CDH4: variants seen among roughly 807,000 people sequenced by gnomAD.
CDH4 encodes cadherin 4.
A neutral mutation model predicts 86.0 loss-of-function variants in CDH4; 33 were observed. That is an observed-to-expected ratio of 0.38 (90% CI 0.29 to 0.51). CDH4 has a LOEUF of 0.51. Among genes scored for constraint, CDH4 ranks in the 20% least tolerant of loss-of-function variants. CDH4 has a pLI of 0.86. For missense variants in CDH4, 1,114 were observed against 1,307.4 expected (o/e 0.85, Z 2.28); for synonymous variants, 555 against 549.4 (o/e 1.01, Z -0.14).
chr20:61,323,265 C>T (rs943264314), intron 2 of CDH4, among the ~76,000 whole-genome samples: 13 of 152,152 alleles, frequency 8.5e-5, no homozygotes, highest in African/African-American at 1.7e-4. Flanking sequence ...CCCAGTGTCC[C>T]GAGTGGGTGG....
intron 2 of CDH4, among the ~76,000 whole-genome samples, chr20:61,662,830 T>C (rs1382847230): frequency 2.6e-5 from 4 of 152,132 alleles, no homozygotes; most frequent in Admixed American, 2.6e-4. Flanking sequence ...GCTCACACAG[T>C]GCCCTGCCCT....
Position 61,544,528 on chromosome 20 carries a change from A to C in CDH4, c.170-199035A>C, listed in dbSNP as rs1391480312. On this transcript the variant is annotated intron_variant, in intron 2 of 15. Coordinates refer to ENST00000614565, the MANE Select transcript of CDH4 (RefSeq NM_001794.5). This position sits in a 1 kb window ranked among gnomAD's most constrained non-coding sequence, Gnocchi z 6.5. ...ATGCATCCAGGAATTAAAGCAGTCC[A>C]TGCAATGGCAGCCGCCAAGCAGAGA... Among the ~76,000 whole-genome samples the C allele has an allele frequency of 6.6e-6, 1 of 151,656 alleles. No homozygotes were observed. Among genetic ancestry groups the C allele is most frequent in the East Asian group, 2.0e-4 (1 of 5,094 alleles).
At chr20:61,587,605 C>T (rs893620940) in intron 2 of CDH4, among the ~76,000 whole-genome samples, 7 of 152,060 alleles carry the variant, frequency 4.6e-5, no homozygotes. Context: ...GACTCCGCTC[C>T]TTCCCCAGCT....
chr20:61,673,677 T>C (rs944256), intron 2 of CDH4, among the ~76,000 whole-genome samples: 147,784 of 152,332 alleles, frequency 0.97, 71,729 homozygotes, highest in East Asian at 1. Flanking sequence ...GTCTGGCGGT[T>C]GAGTGCAGAG....
At chr20:61,827,651 C>T (rs974616356) in intron 4 of CDH4, among the ~76,000 whole-genome samples, 23 of 152,228 alleles carry the variant, frequency 1.5e-4, no homozygotes, top group Non-Finnish European at 3.1e-4. Context: ...AACACCCAAG[C>T]CCCTAGGCTA....
chr20:61,282,906 GGC>G (rs1491311917), intron 2 of CDH4, among the ~76,000 whole-genome samples: 8 of 104,608 alleles, frequency 7.6e-5, no homozygotes, highest in Middle Eastern at 4.7e-3. Context: ...CGTGTGCTGT[GGC>G]GTGTGTGATG....
At chr20:61,845,725 A>G (rs1277285258) in intron 5 of CDH4, among the ~76,000 whole-genome samples, 1 of 152,184 alleles carries the variant, frequency 6.6e-6, no homozygotes, top group Non-Finnish European at 1.5e-5. Context: ...GGCGTTCAGC[A>G]CAAGCCCGTG....
At chr20:61,431,500 C>G (rs924013073) in intron 2 of CDH4, among the ~76,000 whole-genome samples, 5 of 151,712 alleles carry the variant, frequency 3.3e-5, no homozygotes, top group African/African-American at 1.2e-4. Context: ...GCTGGTACTA[C>G]GAGTGCATGC....
chr20:61,519,475 T>A (rs1171570476), intron 2 of CDH4, among the ~76,000 whole-genome samples: 1 of 152,190 alleles, frequency 6.6e-6, no homozygotes, highest in Non-Finnish European at 1.5e-5. Flanking sequence ...AGGAGCTACA[T>A]TTGTTGTCCT....
At chr20:61,852,534 C>T (rs1982772959) in intron 5 of CDH4, among the ~76,000 whole-genome samples, 1 of 152,194 alleles carries the variant, frequency 6.6e-6, no homozygotes, top group Non-Finnish European at 1.5e-5. Flanking sequence ...TGGCTTCCAG[C>T]TCTGTGCGTC....
chr20:61,521,765 CTGGT>C (rs201175229), intron 2 of CDH4, among the ~76,000 whole-genome samples: 6,323 of 152,242 alleles, frequency 0.042, 417 homozygotes, highest in African/African-American at 0.14. Context: ...CTCAGGATCT[CTGGT>C]TCGTGAGCCC....
intron 2 of CDH4, among the ~76,000 whole-genome samples, chr20:61,556,600 G>T (rs2086179321): frequency 6.6e-6 from 1 of 152,176 alleles, no homozygotes. Context: ...AAGACTCTGT[G>T]GTCCAAAATT....
chr20:61,870,375 G>T (rs191917303), intron 6 of CDH4, among the ~76,000 whole-genome samples: 2 of 152,218 alleles, frequency 1.3e-5, no homozygotes, highest in East Asian at 3.9e-4. Context: ...GGCCAAGGCC[G>T]TCAGAAGGGC....
intron 2 of CDH4, among the ~76,000 whole-genome samples, chr20:61,279,777 G>T (rs763393959): frequency 6.6e-6 from 1 of 152,198 alleles, no homozygotes; most frequent in Non-Finnish European, 1.5e-5. Context: ...TGTGCACCAA[G>T]CACAGCACAT....
intron 2 of CDH4, among the ~76,000 whole-genome samples, chr20:61,367,867 CTTTTTTTT>C (rs372521090): frequency 5.9e-5 from 7 of 119,078 alleles, no homozygotes; most frequent in African/African-American, 2.4e-4. Flanking sequence ...TCTCCAGGAT[CTTTTTTTT>C]TTTTTTTTTT....
At chr20:61,386,494 C>T (rs531036215) in intron 2 of CDH4, among the ~76,000 whole-genome samples, 12 of 145,534 alleles carry the variant, frequency 8.2e-5, no homozygotes, top group African/African-American at 2.7e-4. Context: ...TGAACCCGTA[C>T]TGTAAGCTCT....
intron 2 of CDH4, among the ~76,000 whole-genome samples, chr20:61,672,902 A>G (rs1294280695): frequency 6.6e-6 from 1 of 152,046 alleles, no homozygotes; most frequent in Non-Finnish European, 1.5e-5. Context: ...TGGGGAGAGG[A>G]GGAGGTCATC....
intron 2 of CDH4, among the ~76,000 whole-genome samples, chr20:61,333,198 C>G (rs941243822): frequency 2.0e-5 from 3 of 152,156 alleles, no homozygotes; most frequent in Admixed American, 2.0e-4. Context: ...TGCTTGTAAT[C>G]ACACACACGT....
chr20:61,716,381 C>G (rs1286519568), intron 2 of CDH4, among the ~76,000 whole-genome samples: 1 of 152,244 alleles, frequency 6.6e-6, no homozygotes, highest in Admixed American at 6.5e-5. Context: ...CTCCTCTTGG[C>G]TGGAGCTGTA....
Sources: allele counts gnomAD v4.1 joint callset (sites outside exome capture counted in the v4.1 genomes callset), GRCh38; gene constraint gnomAD v4.1.1; non-coding constraint Gnocchi (gnomAD v3.1); transcripts MANE v1.5; gene names NCBI Gene and HGNC (gene_info 2026-07-23, HGNC 2026-07-21).